Variants in ARHGAP39 observed in about 807,000 individuals in gnomAD.
ARHGAP39 encodes Rho GTPase activating protein 39.
In ARHGAP39, 44 loss-of-function variants were observed where a neutral mutation model predicts 106.9. The observed-to-expected ratio is 0.41, with a 90% confidence interval of 0.32 to 0.53. ARHGAP39 has a LOEUF of 0.53. Ranked by LOEUF, ARHGAP39 falls within the 20% of genes least tolerant of loss-of-function variation. ARHGAP39 has a pLI of 0.21. For synonymous variants in ARHGAP39, 768 were observed against 693.2 expected, an observed-to-expected ratio of 1.11 and a Z score of -1.69; for missense variants, 1,496 against 1,577.3, an observed-to-expected ratio of 0.95 and a Z score of 0.87.
chr8:144,617,816 C>G (rs1039193655), intron 1 of ARHGAP39, among the ~76,000 whole-genome samples: 6 of 152,184 alleles, frequency 3.9e-5, no homozygotes, highest in Admixed American at 2.0e-4. Context: ...GGGTCTTGCT[C>G]TGTCGCCCAG....
At chr8:144,638,931 C>T (rs931189110) in intron 1 of ARHGAP39, among the ~76,000 whole-genome samples, 2 of 152,252 alleles carry the variant, frequency 1.3e-5, no homozygotes, top group East Asian at 3.8e-4. Context: ...TTTAAAACAT[C>T]ACTTTGCTGT....
At chr8:144,541,814 C>A (rs377743347) in intron 6 of ARHGAP39, among the ~76,000 whole-genome samples, 1 of 152,158 alleles carries the variant, frequency 6.6e-6, no homozygotes, top group Non-Finnish European at 1.5e-5. Flanking sequence ...CTGCTGTGAA[C>A]GAGGTGTACA....
chr8:144,566,978 T>C (rs945803769), intron 3 of ARHGAP39, among the ~76,000 whole-genome samples: 4 of 151,726 alleles, frequency 2.6e-5, no homozygotes, highest in African/African-American at 9.7e-5. Context: ...GACAATGAAG[T>C]GGCAAAAAGG....
At chr8:144,691,625 A>G in the ARHGAP39 span, among the ~76,000 whole-genome samples, 2 of 151,974 alleles carry the variant, frequency 1.3e-5, no homozygotes, top group African/African-American at 2.4e-5. Flanking sequence ...GATGTCACCT[A>G]TTGATTGTTA....
At chr8:144,596,958 C>T (rs1032978735) in intron 2 of ARHGAP39, among the ~76,000 whole-genome samples, 1 of 152,222 alleles carries the variant, frequency 6.6e-6, no homozygotes, top group African/African-American at 2.4e-5. Flanking sequence ...CCTGAGACCA[C>T]CAGAAGGGCA....
intron 2 of ARHGAP39, among the ~76,000 whole-genome samples, chr8:144,603,252 C>T (rs921571238): frequency 2.0e-5 from 3 of 147,860 alleles, no homozygotes; most frequent in African/African-American, 7.5e-5. Context: ...CGTGTGTGCT[C>T]GTGTACCTGT....
At chr8:144,537,871 A>G in intron 6 of ARHGAP39, 58 bp from the exon 7 acceptor site, 1 of 1,507,376 alleles carries the variant, frequency 6.6e-7, no homozygotes, top group Non-Finnish European at 9.2e-7. Flanking sequence ...GCCAGCGCCC[A>G]CTCAGCTCCC....
intron 7 of ARHGAP39, among the ~76,000 whole-genome samples, chr8:144,534,404 C>T (rs1816869029): frequency 6.6e-6 from 1 of 152,232 alleles, no homozygotes; most frequent in East Asian, 1.9e-4. Flanking sequence ...ACTTCCCCAC[C>T]TGCAGAGGGA....
chr8:144,691,854 G>A, the ARHGAP39 span, among the ~76,000 whole-genome samples: 155 of 152,132 alleles, frequency 1.0e-3, no homozygotes, highest in Middle Eastern at 3.4e-3. Context: ...GGGCCATTAA[G>A]CGGCGGGGTG....
At chr8:144,693,423 G>T in the ARHGAP39 span, among the ~76,000 whole-genome samples, 3 of 150,686 alleles carry the variant, frequency 2.0e-5, no homozygotes, top group Non-Finnish European at 3.0e-5. Context: ...GCCCAGGCTG[G>T]AGTGCAGTGG....
chr8:144,649,547 A>G (rs1821526521), intron 1 of ARHGAP39, among the ~76,000 whole-genome samples: 1 of 152,142 alleles, frequency 6.6e-6, no homozygotes, highest in African/African-American at 2.4e-5. Context: ...AGGCAGATGG[A>G]TCACTTTAGG....
rs1484043867 is a variant in ARHGAP39, at chr8:144,548,403, T to G, written c.683A>C (p.Gln228Pro). The G allele has an allele frequency of 6.2e-7, 1 of 1,610,650 alleles. No individual in the cohort carries two copies. The highest frequency in any genetic ancestry group is 1.3e-5 in the African/African-American group (1 of 74,902). Residue 228 changes from glutamine (Q) to proline (P), a missense_variant, in exon 5 of 12, where the codon CAG (glutamine) becomes CCG (proline). This residue lies in a region of ARHGAP39 where 905 missense variants were observed against 816.4 expected (regional missense o/e 1.11). Transcript: ENST00000377307. This position sits in a 1 kb window ranked among gnomAD's most constrained non-coding sequence, Gnocchi z 7.4. ...GCCGTCTGGGGCGTAGCCATTGCCCTGGGCGGCGAGGAAGCTGGGCTCCCG... is the reference window on the plus strand; with the variant it reads ...GCCGTCTGGGGCGTAGCCATTGCCCGGGGCGGCGAGGAAGCTGGGCTCCCG... ...ADREPSFLAAQGNGYAPDGPP... is the reference protein window; with the variant it reads ...ADREPSFLAAPGNGYAPDGPP...
chr8:144,602,606 G>C (rs528199431), intron 2 of ARHGAP39, among the ~76,000 whole-genome samples: 1 of 135,844 alleles, frequency 7.4e-6, no homozygotes, highest in East Asian at 2.4e-4. Flanking sequence ...GTGTGTGCGA[G>C]CTCATGTACC....
intron 1 of ARHGAP39, among the ~76,000 whole-genome samples, chr8:144,659,995 C>T (rs566473681): frequency 6.6e-6 from 1 of 152,298 alleles, no homozygotes; most frequent in Non-Finnish European, 1.5e-5. Context: ...ATGGACATTC[C>T]TTGGGTGGTG....
chr8:144,699,600 G>C, the ARHGAP39 span, among the ~76,000 whole-genome samples: 1 of 144,658 alleles, frequency 6.9e-6, no homozygotes, highest in Admixed American at 6.9e-5. Context: ...GCACGGAGGG[G>C]AGGCTGTGTG....
At chr8:144,531,088 C>T (rs920045974) in intron 10 of ARHGAP39, among the ~76,000 whole-genome samples, 1 of 152,220 alleles carries the variant, frequency 6.6e-6, no homozygotes. Context: ...ATGTGGGTCA[C>T]GCCAGCAGAG....
chr8:144,653,160 G>A (rs1821614620), intron 1 of ARHGAP39, among the ~76,000 whole-genome samples: 1 of 152,094 alleles, frequency 6.6e-6, no homozygotes, highest in East Asian at 1.9e-4. Flanking sequence ...GCTGGGCGTG[G>A]TGGCATGTGC....
intron 3 of ARHGAP39, among the ~76,000 whole-genome samples, chr8:144,573,884 A>G (rs1194272166): frequency 6.6e-6 from 1 of 152,244 alleles, no homozygotes; most frequent in Non-Finnish European, 1.5e-5. Context: ...AGAATAAATC[A>G]TAATTAGGCT....
chr8:144,650,079 G>C (rs1821537467), intron 1 of ARHGAP39, among the ~76,000 whole-genome samples: 1 of 151,940 alleles, frequency 6.6e-6, no homozygotes, highest in Non-Finnish European at 1.5e-5. Context: ...GGAGGTGGAG[G>C]TTGCAGTGAG....
Sources: gnomAD v4.1 joint callset for allele counts (sites outside exome capture counted in the v4.1 genomes callset) on GRCh38, gnomAD v4.1.1 for gene constraint, gnomAD v4.1.1 regional missense constraint, Gnocchi (gnomAD v3.1) non-coding constraint, MANE v1.5 for transcripts, NCBI Gene and HGNC (gene_info 2026-07-23, HGNC 2026-07-21) for gene names.